Variants in TRPV5 observed in about 807,000 individuals in gnomAD.
TRPV5 encodes the protein calcium transport protein 2.
TRPV5 carries 66 observed loss-of-function variants against 74.1 expected under a neutral mutation model. The observed-to-expected ratio is 0.89, with a 90% CI of 0.73 to 1.09. The LOEUF (loss-of-function observed/expected upper bound fraction) is 1.09. Among genes scored for constraint, TRPV5 ranks in the 50% least tolerant of loss-of-function variants. The probability of loss-of-function intolerance (pLI) is 0.00; values close to 1 mark genes in which losing one functional copy is unlikely to be tolerated. For synonymous variants in TRPV5, 399 were observed against 360.7 expected (o/e 1.11, Z -1.20); for missense variants, 936 against 930.4 (o/e 1.01, Z -0.08).
chr7:142,931,921 C>T (rs181431322), intron 1 of TRPV5, among the ~76,000 whole-genome samples: 2 of 152,108 alleles, frequency 1.3e-5, no homozygotes, highest in African/African-American at 2.4e-5. Flanking sequence ...AGGCTGCTCT[C>T]GAACTCCTGA....
Position 142,933,340 on chromosome 7 carries a change from C to T in TRPV5, c.120G>A (p.Gln40=). The T allele has an allele frequency of 6.2e-7, 1 of 1,613,722 alleles. No homozygotes were observed. Among genetic ancestry groups the T allele is most frequent in the South Asian group, 1.1e-5 (1 of 91,058 alleles). ...CGTTCTAGGAAGCCTACCTCTTCTGCTGCAGCATATGAAGCTTGTCCAGGT... is the reference window on the plus strand; with the variant it reads ...CGTTCTAGGAAGCCTACCTCTTCTGTTGCAGCATATGAAGCTTGTCCAGGT... The part of the protein sequence containing the change: ...DQHLDKLHML[Q]QKRILESPLL... Residue 40 remains glutamine, a synonymous_variant, in exon 1 of 15, where the codon CAG becomes CAA. Coordinates refer to ENST00000265310, the MANE Select transcript of TRPV5 (RefSeq NM_019841.7).
intron 2 of TRPV5, 28 bp downstream of exon 2, chr7:142,930,321 C>T: frequency 1.9e-6 from 3 of 1,610,880 alleles, no homozygotes; most frequent in South Asian, 1.1e-5. Flanking sequence ...TCTGCCCCCA[C>T]CTCCATCCCA....
rs142125072 is a variant in TRPV5 at position 142,929,446 on chromosome 7, G to C, written c.469C>G (p.Arg157Gly). 2 of 1,614,004 alleles carry C rather than the reference G, an allele frequency of 1.2e-6. No individual in the cohort carries two copies. The highest frequency in any genetic ancestry group is 1.3e-5 in the African/African-American group (1 of 74,914). ...CTCTCACCAAAGTAGATGAGGTTGCGGGGACTATGGCGGAAGGCAGTGCCT... is the reference window on the plus strand; with the variant it reads ...CTCTCACCAAAGTAGATGAGGTTGCCGGGACTATGGCGGAAGGCAGTGCCT... ...ATGTAFRHSP[R>G]NLIYFGEHPL... Residue 157 changes from arginine (R) to glycine (G), a missense_variant, in exon 4 of 15, where the codon CGC becomes GGC. Transcript: ENST00000265310.
chr7:142,932,215 C>A (rs1796108185), intron 1 of TRPV5, among the ~76,000 whole-genome samples: 1 of 152,108 alleles, frequency 6.6e-6, no homozygotes, highest in Non-Finnish European at 1.5e-5. Flanking sequence ...GGCCACTGCA[C>A]AAACAAAGTC....
At chr7:142,927,007 GT>G (rs1685612439) in intron 7 of TRPV5, among the ~76,000 whole-genome samples, 1 of 152,220 alleles carries the variant, frequency 6.6e-6, no homozygotes, top group Non-Finnish European at 1.5e-5. Context: ...AAACCTGGAA[GT>G]CTTTTCTCCT....
intron 12 of TRPV5, 60 bp downstream of exon 12, chr7:142,914,580 G>T: frequency 7.2e-7 from 1 of 1,380,170 alleles, no homozygotes; most frequent in South Asian, 1.2e-5. Flanking sequence ...GCAAGAATGA[G>T]AGTGAACTTT....
intron 13 of TRPV5, among the ~76,000 whole-genome samples, chr7:142,910,102 T>C (rs1437383371): frequency 6.6e-6 from 1 of 152,208 alleles, no homozygotes; most frequent in Non-Finnish European, 1.5e-5. Flanking sequence ...TGTCCTTTGC[T>C]CAGCCCTCAT....
intron 13 of TRPV5, among the ~76,000 whole-genome samples, chr7:142,911,509 A>G (rs1186091433): frequency 1.3e-5 from 2 of 152,220 alleles, no homozygotes; most frequent in Non-Finnish European, 2.9e-5. Context: ...TCCCTCAGGA[A>G]AGCATGTCTT....
intron 10 of TRPV5, 54 bp from the exon 11 acceptor site, chr7:142,915,100 C>G: frequency 6.3e-7 from 1 of 1,594,252 alleles, no homozygotes; most frequent in South Asian, 1.1e-5. Flanking sequence ...TTTTAGGTCC[C>G]TACAGCATAG....
intron 8 of TRPV5, among the ~76,000 whole-genome samples, chr7:142,916,452 A>C (rs1795799830): frequency 6.6e-6 from 1 of 151,908 alleles, no homozygotes; most frequent in East Asian, 1.9e-4. Flanking sequence ...TCACTTGAAA[A>C]CATAATAAAA....
chr7:142,927,927 T>A (rs115489436), intron 7 of TRPV5, among the ~76,000 whole-genome samples, 161 bp downstream of exon 7: 63 of 148,724 alleles, frequency 4.2e-4, no homozygotes, highest in African/African-American at 1.4e-3. Context: ...AGGAGAGGAG[T>A]GTGCATTGGA....
At position 142,925,553 on chromosome 7, in the gene TRPV5, G is replaced by A; in HGVS notation, c.1098C>T (p.Thr366=). ...GGNRTHSRDI[T]ILQQKLLQEA... ...CCTGTAGTAGTTTTTGCTGGAGGATGGTGATGTCTCGAGAATGAGTGCGGT... is the reference window on the plus strand; with the variant it reads ...CCTGTAGTAGTTTTTGCTGGAGGATAGTGATGTCTCGAGAATGAGTGCGGT... The change falls in exon 8 of 15, where the codon ACC becomes ACT. Residue 366 remains threonine, a synonymous_variant. Coordinates refer to ENST00000265310, the MANE Select transcript of TRPV5 (RefSeq NM_019841.7). The A allele has an allele frequency of 6.2e-7, 1 of 1,614,180 alleles. No homozygotes were observed. Among genetic ancestry groups the A allele is most frequent in the Non-Finnish European group, 8.5e-7 (1 of 1,180,032 alleles).
intron 12 of TRPV5, among the ~76,000 whole-genome samples, chr7:142,913,272 G>A (rs1795733833): frequency 2.6e-5 from 4 of 152,142 alleles, no homozygotes; most frequent in South Asian, 2.1e-4. Context: ...CATAGGAAAC[G>A]GATTCCTGCT....
At chr7:142,910,750 G>T (rs4252503) in intron 13 of TRPV5, among the ~76,000 whole-genome samples, 7,068 of 152,230 alleles carry the variant, frequency 0.046, 319 homozygotes, top group African/African-American at 0.12. Flanking sequence ...TGCCTTGAAA[G>T]AAATGTTTAT....
At chr7:142,912,424 AC>A in intron 13 of TRPV5, 57 bp downstream of exon 13, 3 of 1,565,112 alleles carry the variant, frequency 1.9e-6, no homozygotes, top group Non-Finnish European at 2.6e-6. Flanking sequence ...AACATTTTCC[AC>A]TTTGATTTTT....
chr7:142,918,417 C>A (rs1186622498), intron 8 of TRPV5, among the ~76,000 whole-genome samples: 2 of 152,230 alleles, frequency 1.3e-5, no homozygotes, highest in Non-Finnish European at 2.9e-5. Context: ...TTAGGGCAAA[C>A]CCATGCCATC....
chr7:142,929,522 G>C lies in TRPV5; in HGVS notation c.393C>G (p.Asn131Lys). ...TGCGGGTGAGCAGGGCACGCACCAG[G>C]TTCACATTCTGGTTCACAACAGCGA... The part of the protein sequence containing the change: ...LHIAVVNQNV[N>K]LVRALLTRRA... The change falls in exon 4 of 15, where the codon AAC (asparagine) becomes AAG (lysine). Residue 131 changes from asparagine to lysine, a missense_variant. Coordinates refer to ENST00000265310, the MANE Select transcript of TRPV5 (RefSeq NM_019841.7). The C allele has an allele frequency of 6.2e-7, 1 of 1,614,114 alleles. No individual in the cohort carries two copies. The highest frequency in any genetic ancestry group is 1.3e-5 in the African/African-American group (1 of 75,026).
chr7:142,930,481 GTCAT>G (rs1179384623), intron 1 of TRPV5, 35 bp from the exon 2 acceptor site: 7 of 1,537,286 alleles, frequency 4.6e-6, no homozygotes, highest in South Asian at 3.4e-5. Flanking sequence ...GGAAGAGACA[GTCAT>G]AGCAGAATGA....
rs553525184 is a variant in TRPV5 at position 142,925,858 on chromosome 7, T to C, written c.910-117A>G. ...TCACTCACTCAGCTCATCAGTCACT[T>C]ATTTGACGGACAAATAGTATATTTC... On this transcript the variant is annotated intron_variant, in intron 7 of 14. Coordinates refer to ENST00000265310, the MANE Select transcript of TRPV5 (RefSeq NM_019841.7). The C allele has an allele frequency of 4.4e-4, 375 of 844,436 alleles. 5 individuals carry two copies. In the South Asian group the frequency reaches 5.4e-3, roughly 12 times the overall value. 52.3% of individuals were successfully genotyped at this position (844,436 alleles called of 1,614,324 possible). A position where few individuals can be genotyped will look rare whatever the true frequency, so the allele number is the denominator to read the frequency against.
Sources: gnomAD v4.1 joint callset for allele counts (sites outside exome capture counted in the v4.1 genomes callset) on GRCh38, gnomAD v4.1.1 for gene constraint, MANE v1.5 for transcripts, NCBI Gene and HGNC (gene_info 2026-07-23, HGNC 2026-07-21) for gene names.